Variants in ZRANB3 observed in about 807,000 individuals in gnomAD.
ZRANB3 encodes the protein DNA annealing helicase and endonuclease ZRANB3.
Under a neutral mutation model 133.8 loss-of-function variants are expected in ZRANB3, and 125 were observed. The observed-to-expected ratio is 0.93, with a 90% CI of 0.81 to 1.08. The LOEUF is 1.08. ZRANB3 is among the 50% of genes least tolerant of loss of function. The probability of loss-of-function intolerance (pLI) is 0.00; values close to 1 mark genes in which losing one functional copy is unlikely to be tolerated. For synonymous variants in ZRANB3, 387 were observed against 432.7 expected, an observed-to-expected ratio of 0.89 and a Z score of 1.31; for missense variants, 1,229 against 1,275.5, an observed-to-expected ratio of 0.96 and a Z score of 0.56.
rs375668523 is a variant in ZRANB3, at chr2:135,200,478, A to T, written c.3142-38T>A. On this transcript the variant is annotated intron_variant, in intron 20 of 20. Coordinates refer to ENST00000264159, the MANE Select transcript of ZRANB3 (RefSeq NM_032143.4). ...AAATATGCATGTGTACACGTTAGGAAAAAAGCACCGGCTACAAAAGCTCAA... is the reference window on the plus strand; with the variant it reads ...AAATATGCATGTGTACACGTTAGGATAAAAGCACCGGCTACAAAAGCTCAA... 115 of 1,493,084 alleles carry T rather than the reference A, an allele frequency of 7.7e-5. No homozygotes were observed. The African/African-American group carries it at 1.5e-3, about 19-fold the overall frequency. 92.5% of individuals were successfully genotyped at this position (1,493,084 alleles called of 1,614,324 possible).
intron 2 of ZRANB3, among the ~76,000 whole-genome samples, chr2:135,415,911 T>G (rs931593132): frequency 1.3e-5 from 2 of 152,030 alleles, no homozygotes; most frequent in African/African-American, 4.8e-5. Flanking sequence ...TCAACAACCC[T>G]TCATGCTAAA....
chr2:135,227,964 T>A lies in ZRANB3; in HGVS notation c.2006A>T (p.Asp669Val). Reference sequence around the variant, plus strand: ...CTTTTTGGAGGTGTCTTTCTGAGAATCATCCTTCTCGTTTTTATCCTGGAT... The same window carrying A: ...CTTTTTGGAGGTGTCTTTCTGAGAAACATCCTTCTCGTTTTTATCCTGGAT... ...NHIQDKNEKD[D>V]SQKDTSKKVQ... is the part of the protein sequence containing the mutation. Residue 669 changes from aspartate (D) to valine (V), a missense_variant, in exon 14 of 21, where the codon GAT becomes GTT. Transcript: ENST00000264159. 1 of 1,552,260 alleles carries A rather than the reference T, an allele frequency of 6.4e-7. No individual in the cohort carries two copies. The highest frequency in any genetic ancestry group is 2.4e-5 in the East Asian group (1 of 40,956).
intron 12 of ZRANB3, among the ~76,000 whole-genome samples, chr2:135,262,798 A>T (rs978950536): frequency 1.4e-5 from 2 of 142,216 alleles, no homozygotes; most frequent in East Asian, 2.0e-4. Context: ...AATAAGAATT[A>T]AAAAAAAAAA....
rs1403583482 is a variant in ZRANB3, at chr2:135,372,366, T to C, written c.180+18436A>G. 5.9e-5 allele frequency among the ~76,000 whole-genome samples: 9 copies of C among 152,238 alleles called. No individual in the cohort carries two copies. The South Asian group carries it at 1.2e-3, about 21-fold the overall frequency. On this transcript the variant is annotated intron_variant, in intron 3 of 20. Coordinates refer to ENST00000264159, the MANE Select transcript of ZRANB3 (RefSeq NM_032143.4). ...TTTTTTAAGCCACCTGTCTATTGTA[T>C]TTTTGTTATAGGAGTCAGATGGGAT...
intron 8 of ZRANB3, among the ~76,000 whole-genome samples, chr2:135,302,970 C>A (rs765681932): frequency 6.6e-6 from 1 of 152,048 alleles, no homozygotes; most frequent in Non-Finnish European, 1.5e-5. Flanking sequence ...GAGTTATTAA[C>A]TCTAGGAAAA....
chr2:135,391,619 G>A (rs938758058), intron 2 of ZRANB3, among the ~76,000 whole-genome samples: 5 of 133,740 alleles, frequency 3.7e-5, no homozygotes, highest in Admixed American at 1.7e-4. Flanking sequence ...TCGCTCTGTT[G>A]CCCAGGCTGG....
intron 3 of ZRANB3, among the ~76,000 whole-genome samples, chr2:135,369,866 C>T (rs1480762020): frequency 6.6e-6 from 1 of 151,994 alleles, no homozygotes; most frequent in Non-Finnish European, 1.5e-5. Context: ...CTCCACAAAC[C>T]CTTCCAACTT....
intron 2 of ZRANB3, among the ~76,000 whole-genome samples, chr2:135,500,854 A>G (rs910449058): frequency 1.3e-5 from 2 of 152,086 alleles, no homozygotes; most frequent in African/African-American, 4.8e-5. Flanking sequence ...GAGAACTTGA[A>G]AACAGTCATA....
At chr2:135,227,616 T>C (rs1179957840) in intron 14 of ZRANB3, among the ~76,000 whole-genome samples, 196 bp downstream of exon 14, 1 of 152,206 alleles carries the variant, frequency 6.6e-6, no homozygotes, top group Non-Finnish European at 1.5e-5. Context: ...ATGTGTAATG[T>C]CTGAATGCCA....
intron 2 of ZRANB3, among the ~76,000 whole-genome samples, chr2:135,464,394 C>T (rs1020837553): frequency 1.3e-5 from 2 of 152,158 alleles, no homozygotes; most frequent in African/African-American, 4.8e-5. Flanking sequence ...TCACACTGTT[C>T]GCCTTAGGGT....
chr2:135,405,857 A>T (rs1299003637), intron 2 of ZRANB3, among the ~76,000 whole-genome samples: 2 of 152,230 alleles, frequency 1.3e-5, no homozygotes, highest in Non-Finnish European at 2.9e-5. Context: ...AAATGCCCAC[A>T]AGAGAAAGCA....
At chr2:135,467,284 TC>T (rs1187730112) in intron 2 of ZRANB3, among the ~76,000 whole-genome samples, 32 of 152,152 alleles carry the variant, frequency 2.1e-4, no homozygotes, top group African/African-American at 7.7e-4. Context: ...TACCAACCCC[TC>T]CTTGTCCATA....
rs545617662 is a variant in ZRANB3, at chr2:135,288,955, T to A, written c.967-13200A>T. On this transcript the variant is annotated intron_variant, in intron 8 of 20. Transcript: ENST00000264159. ...CTGCTCTGACTTTTGTTATTTCTTT[T>A]CTTCTGCTGGGTTTGGGTCTGGTTT... Among the ~76,000 whole-genome samples the A allele has an allele frequency of 2.0e-5, 3 of 152,058 alleles. No homozygotes were observed. The South Asian group carries it at 6.2e-4, about 32-fold the overall frequency.
chr2:135,277,396 A>C (rs895647929), intron 8 of ZRANB3, among the ~76,000 whole-genome samples: 1 of 152,224 alleles, frequency 6.6e-6, no homozygotes, highest in African/African-American at 2.4e-5. Flanking sequence ...TGTAAATATA[A>C]GCAACCAACC....
At chr2:135,483,132 A>T (rs1339964404) in intron 2 of ZRANB3, among the ~76,000 whole-genome samples, 2 of 152,048 alleles carry the variant, frequency 1.3e-5, no homozygotes, top group Non-Finnish European at 2.9e-5. Context: ...CTGGCCTCAT[A>T]AAATGAGTTA....
intron 2 of ZRANB3, among the ~76,000 whole-genome samples, chr2:135,463,767 T>C (rs1030435915): frequency 1.3e-5 from 2 of 152,166 alleles, no homozygotes; most frequent in Non-Finnish European, 2.9e-5. Context: ...TTTCCTTCTA[T>C]TTTTCCACAA....
At chr2:135,271,633 G>A in intron 10 of ZRANB3, 135 bp downstream of exon 10, 4 of 1,062,398 alleles carry the variant, frequency 3.8e-6, no homozygotes, top group Non-Finnish European at 5.3e-6. Flanking sequence ...GGAACTCTCT[G>A]AAGAAGAATT....
intron 2 of ZRANB3, among the ~76,000 whole-genome samples, chr2:135,447,318 C>T (rs112332550): frequency 0.044 from 6,762 of 152,198 alleles, 504 homozygotes; most frequent in African/African-American, 0.16. Context: ...GGATTACAGA[C>T]GTGAGCCACT....
intron 2 of ZRANB3, among the ~76,000 whole-genome samples, chr2:135,488,305 A>C (rs946866284): frequency 1.3e-5 from 2 of 152,194 alleles, no homozygotes; most frequent in African/African-American, 4.8e-5. Context: ...ATAGTTTGAA[A>C]TATTGAGAAT....
Sources: gnomAD v4.1 joint callset for allele counts (sites outside exome capture counted in the v4.1 genomes callset) on GRCh38, gnomAD v4.1.1 for gene constraint, MANE v1.5 for transcripts, NCBI Gene and HGNC (gene_info 2026-07-23, HGNC 2026-07-21) for gene names.